Variants in EPB41L4A observed in about 807,000 individuals in gnomAD.
EPB41L4A encodes the protein erythrocyte membrane protein band 4.1 like 4A.
In EPB41L4A, 100 loss-of-function variants were observed where a neutral mutation model predicts 108.6. The ratio of observed to expected loss-of-function variants is 0.92; its 90% CI spans 0.78 to 1.09. EPB41L4A has a LOEUF of 1.09. Among genes scored for constraint, EPB41L4A ranks in the 50% least tolerant of loss-of-function variants. EPB41L4A has a pLI of 0.00. For synonymous variants in EPB41L4A, 319 were observed against 289.0 expected (o/e 1.10, Z -1.05); for missense variants, 1,030 against 842.7 (o/e 1.22, Z -2.75).
chr5:112,401,680 C>A (rs1438415192), intron 1 of EPB41L4A, among the ~76,000 whole-genome samples: 1 of 152,134 alleles, frequency 6.6e-6, no homozygotes. Context: ...CCTCCTACAA[C>A]AGAAATCGAA....
rs779588539 is a variant in EPB41L4A, at chr5:112,264,944, T to C, written c.506A>G (p.Gln169Arg). Residue 169 changes from glutamine to arginine, a missense_variant, in exon 6 of 23, where the codon CAG (glutamine) becomes CGG (arginine). Gln to Arg is a conservative substitution (Grantham distance 43, BLOSUM62 1). Transcript: ENST00000261486. The stretch of plus-strand genomic sequence containing the variant: ...TATGGCTTCTTCAAGTTCTTCCTTC[T>C]GATCAGGAACAAACCGGTACTCAGA... Reference protein sequence around the residue: ...YVSEYRFVPDQKEELEEAIER... With the variant: ...YVSEYRFVPDRKEELEEAIER... The C allele has an allele frequency of 5.6e-6, 9 of 1,612,554 alleles. No individual in the cohort carries two copies. The East Asian group carries it at 1.6e-4, about 28-fold the overall frequency.
chr5:112,360,702 A>G (rs1758673051), intron 1 of EPB41L4A, among the ~76,000 whole-genome samples: 1 of 152,122 alleles, frequency 6.6e-6, no homozygotes. Flanking sequence ...CACCCCGTCT[A>G]AGAAGTGAGG....
downstream of EPB41L4A, among the ~76,000 whole-genome samples, chr5:112,160,163 G>T (rs1418431874): frequency 6.6e-6 from 1 of 152,120 alleles, no homozygotes; most frequent in African/African-American, 2.4e-5. Context: ...ACCTGCCTCA[G>T]CCTGCCAAAG....
chr5:112,278,926 A>G (rs1159879247), intron 3 of EPB41L4A, among the ~76,000 whole-genome samples: 2 of 151,270 alleles, frequency 1.3e-5, no homozygotes, highest in East Asian at 2.0e-4. Flanking sequence ...TCAGCTGGGC[A>G]TGGTGGTGGG....
chr5:112,284,572 C>A (rs1369926059), intron 2 of EPB41L4A, among the ~76,000 whole-genome samples: 1 of 152,162 alleles, frequency 6.6e-6, no homozygotes, highest in Non-Finnish European at 1.5e-5. Flanking sequence ...ACTATGCAGT[C>A]TGTATATGCT....
At chr5:112,395,765 A>C (rs1410658269) in intron 1 of EPB41L4A, among the ~76,000 whole-genome samples, 1 of 152,214 alleles carries the variant, frequency 6.6e-6, no homozygotes, top group Non-Finnish European at 1.5e-5. Flanking sequence ...CAAAGATTAT[A>C]AATCATGCTA....
intron 1 of EPB41L4A, among the ~76,000 whole-genome samples, chr5:112,358,145 G>A (rs1329669594): frequency 6.6e-6 from 1 of 152,210 alleles, no homozygotes; most frequent in African/African-American, 2.4e-5. Flanking sequence ...ACATTCCCCT[G>A]GAAGATCAGA....
intron 4 of EPB41L4A, among the ~76,000 whole-genome samples, chr5:112,269,728 T>C (rs1229984597): frequency 6.6e-6 from 1 of 152,206 alleles, no homozygotes; most frequent in Non-Finnish European, 1.5e-5. Context: ...TCTAGTTACA[T>C]TGTACCATAC....
chr5:112,375,359 C>CT (rs1759754491), intron 1 of EPB41L4A, among the ~76,000 whole-genome samples: 1 of 150,206 alleles, frequency 6.7e-6, no homozygotes, highest in African/African-American at 2.5e-5. Context: ...ACACACACCC[C>CT]TTCCTCTATT....
intron 2 of EPB41L4A, among the ~76,000 whole-genome samples, chr5:112,306,036 T>A (rs991078089): frequency 1.3e-5 from 2 of 152,114 alleles, no homozygotes; most frequent in East Asian, 3.9e-4. Flanking sequence ...TTGCAAAGTT[T>A]AAAAAAGGTA....
intron 11 of EPB41L4A, among the ~76,000 whole-genome samples, chr5:112,236,380 A>C (rs576429813): frequency 6.6e-6 from 1 of 152,338 alleles, no homozygotes; most frequent in East Asian, 1.9e-4. Context: ...TGAAGTTGCA[A>C]GCCCTGTTTA....
At chr5:112,197,734 C>T (rs1762031283) in intron 15 of EPB41L4A, among the ~76,000 whole-genome samples, 1 of 152,174 alleles carries the variant, frequency 6.6e-6, no homozygotes, top group Non-Finnish European at 1.5e-5. Context: ...CTTTGACTAA[C>T]TCCCCTTTAC....
intron 9 of EPB41L4A, among the ~76,000 whole-genome samples, chr5:112,241,301 T>G (rs1393971587): frequency 6.6e-6 from 1 of 152,116 alleles, no homozygotes; most frequent in Non-Finnish European, 1.5e-5. Flanking sequence ...CTGGGAAAAT[T>G]AAATAATGCC....
chr5:112,167,683 C>A (rs756739551), intron 22 of EPB41L4A, among the ~76,000 whole-genome samples: 1 of 152,156 alleles, frequency 6.6e-6, no homozygotes, highest in Non-Finnish European at 1.5e-5. Flanking sequence ...CTGTGCGGAT[C>A]AGCTCTTGCC....
At chr5:112,245,106 C>CA (rs201980289) in intron 9 of EPB41L4A, among the ~76,000 whole-genome samples, 6,204 of 104,004 alleles carry the variant, frequency 0.06, 292 homozygotes, top group East Asian at 0.31. Context: ...AAGTGAAGTG[C>CA]AAAAAAAAAA....
chr5:112,207,974 G>A (rs746654967), intron 13 of EPB41L4A, among the ~76,000 whole-genome samples: 2 of 152,076 alleles, frequency 1.3e-5, no homozygotes, highest in Non-Finnish European at 2.9e-5. Flanking sequence ...ATGGCTGGGC[G>A]CAATGGCTCA....
chr5:112,291,740 T>C (rs1753655931), intron 2 of EPB41L4A, among the ~76,000 whole-genome samples: 2 of 152,202 alleles, frequency 1.3e-5, no homozygotes, highest in Admixed American at 1.3e-4. Context: ...CCAGGGAGCT[T>C]CTAGGTAGCC....
chr5:112,302,838 T>C (rs1370437456), intron 2 of EPB41L4A, among the ~76,000 whole-genome samples: 1 of 152,190 alleles, frequency 6.6e-6, no homozygotes, highest in African/African-American at 2.4e-5. Context: ...AACTTAGACC[T>C]TCGGTGCTAT....
chr5:112,411,469 A>G (rs1184440602), intron 1 of EPB41L4A, among the ~76,000 whole-genome samples: 1 of 152,118 alleles, frequency 6.6e-6, no homozygotes, highest in Non-Finnish European at 1.5e-5. Context: ...TCAGAAATAA[A>G]TGTATTTGCA....
Sources: gnomAD v4.1 joint callset for allele counts (sites outside exome capture counted in the v4.1 genomes callset) on GRCh38, gnomAD v4.1.1 for gene constraint, MANE v1.5 for transcripts, NCBI Gene and HGNC (gene_info 2026-07-23, HGNC 2026-07-21) for gene names.